The following R3HDM1 variants were observed in gnomAD, a reference collection of about 807,000 sequenced individuals.
R3HDM1 encodes the protein R3H domain containing 1, also known as R3H domain-containing protein 1.
R3HDM1 carries 46 observed loss-of-function variants against 141.1 expected under a neutral mutation model. The ratio of observed to expected loss-of-function variants is 0.33; its 90% CI spans 0.26 to 0.42. The LOEUF (loss-of-function observed/expected upper bound fraction) is 0.42. R3HDM1 is among the 10% of genes least tolerant of loss of function. The pLI is 1.00. For synonymous variants in R3HDM1, 435 were observed against 472.9 expected (o/e 0.92, Z 1.04); for missense variants, 1,184 against 1,368.3 (o/e 0.87, Z 2.12).
rs1326851857 is a variant in R3HDM1 at position 135,699,061 on chromosome 2, ATTGAT to A, written c.2460-10370_2460-10366del. Among the ~76,000 whole-genome samples the A allele has an allele frequency of 8.3e-3, 889 of 107,062 alleles. 14 individuals are homozygous for A. Among genetic ancestry groups the A allele is most frequent in the African/African-American group, 0.018 (583 of 31,796 alleles). 70.2% of individuals were successfully genotyped at this position (107,062 alleles called of 152,430 possible). ...TAGATAGATAAGATAGATAAGATAG[ATTGAT>A]TAGATAGATTAGATAGATAGATAGA... is the stretch of plus-strand genomic sequence containing the variant. On this transcript the variant is annotated intron_variant, in intron 21 of 26. Transcript: ENST00000683871.
chr2:135,536,413 C>G (rs932738542), intron 1 of R3HDM1: 1 of 439,048 alleles, frequency 2.3e-6, no homozygotes, highest in African/African-American at 2.1e-5. Flanking sequence ...TGCCAAAGTG[C>G]TGGAATTACA....
At position 135,652,005 on chromosome 2, in the gene R3HDM1, G is replaced by A. The variant is rs768393530; in HGVS notation, c.2001G>A (p.Gln667=). The A allele has an allele frequency of 6.2e-7, 1 of 1,603,808 alleles. No individual in the cohort carries two copies. The highest frequency in any genetic ancestry group is 8.5e-7 in the Non-Finnish European group (1 of 1,174,522). Residue 667 remains glutamine (Q), a synonymous_variant, in exon 18 of 27, where the codon CAG becomes CAA. Coordinates refer to ENST00000683871, the MANE Select transcript of R3HDM1 (RefSeq NM_001378107.1). ...HPVSQPVLQQ[Q]GYIQQPSPQM... is the part of the protein sequence containing the mutation. ...TCAGCCAGCCTGTGCTCCAGCAGCA[G>A]GGATATATTCAGCAGCCATCACCAC...
intron 21 of R3HDM1, among the ~76,000 whole-genome samples, chr2:135,699,053 T>TTGG (rs1559466584): frequency 1.0e-4 from 14 of 137,786 alleles, no homozygotes; most frequent in Middle Eastern, 3.5e-3. Context: ...ATAAGATAGA[T>TTGG]AAGATAGATT....
chr2:135,638,445 G>A (rs755834737), intron 11 of R3HDM1, among the ~76,000 whole-genome samples, 173 bp from the exon 12 acceptor site: 22 of 152,068 alleles, frequency 1.4e-4, no homozygotes, highest in African/African-American at 2.4e-5. Flanking sequence ...TTAAAAGTAA[G>A]CATAGGATCT....
Position 135,719,503 on chromosome 2 carries a change from A to G in R3HDM1, c.2882-2421A>G, listed in dbSNP as rs1338158286. 2.0e-5 allele frequency among the ~76,000 whole-genome samples: 3 copies of G among 152,206 alleles called. No individual in the cohort carries two copies. In the East Asian group the frequency reaches 5.8e-4, roughly 29 times the overall value. On this transcript the variant is annotated intron_variant, in intron 24 of 26. Coordinates refer to ENST00000683871, the MANE Select transcript of R3HDM1 (RefSeq NM_001378107.1). ...AAAAATTAAAAAAAAAAAAGGAGTTATCCATTAGATATAAATGTTTGTATA... is the reference window on the plus strand; with the variant it reads ...AAAAATTAAAAAAAAAAAAGGAGTTGTCCATTAGATATAAATGTTTGTATA...
chr2:135,622,809 TAG>T, intron 7 of R3HDM1, 77 bp downstream of exon 7: 1 of 1,425,866 alleles, frequency 7.0e-7, no homozygotes, highest in Non-Finnish European at 9.2e-7. Context: ...ATTATTGAGT[TAG>T]AGTAATAGAA....
intron 19 of R3HDM1, among the ~76,000 whole-genome samples, chr2:135,665,135 T>C (rs2067302135): frequency 6.6e-6 from 1 of 152,234 alleles, no homozygotes; most frequent in Non-Finnish European, 1.5e-5. Context: ...AAAGATCAGA[T>C]TACTTACCAG....
intron 1 of R3HDM1, among the ~76,000 whole-genome samples, chr2:135,552,647 TATTA>T (rs1018836503): frequency 6.6e-6 from 1 of 152,160 alleles, no homozygotes; most frequent in African/African-American, 2.4e-5. Flanking sequence ...TTAGATTGTA[TATTA>T]ATTAAGGGAG....
At chr2:135,706,018 A>G (rs889962393) in intron 21 of R3HDM1, among the ~76,000 whole-genome samples, 1 of 151,876 alleles carries the variant, frequency 6.6e-6, no homozygotes, top group Non-Finnish European at 1.5e-5. Context: ...AGTCCCAGCT[A>G]CTCGAGAGGC....
chr2:135,584,339 T>G, intron 1 of R3HDM1: 1 of 889,616 alleles, frequency 1.1e-6, no homozygotes, highest in Non-Finnish European at 1.3e-6. Context: ...AATAAATAAA[T>G]AAATATTAAC....
At chr2:135,533,672 G>C (rs1695427542) in intron 1 of R3HDM1, among the ~76,000 whole-genome samples, 1 of 152,244 alleles carries the variant, frequency 6.6e-6, no homozygotes, top group African/African-American at 2.4e-5. Context: ...GAGGTCGGGA[G>C]TTGGAGACCA....
rs1359928070 is a variant in R3HDM1, at chr2:135,589,688, A to G, written c.-249-12812A>G. Among the ~76,000 whole-genome samples the G allele has an allele frequency of 2.6e-5, 4 of 152,144 alleles. No homozygotes were observed. In the East Asian group the frequency reaches 5.8e-4, roughly 22 times the overall value. ...TCTCACTTGAACAGAGCAAGTTTAT[A>G]TAATAAATATATGTTTCCACAGTTT... On this transcript the variant is annotated intron_variant, in intron 1 of 26. Transcript: ENST00000683871.
At chr2:135,606,788 G>C (rs1230090128) in intron 3 of R3HDM1, 1 of 144,514 alleles carries the variant, frequency 6.9e-6, no homozygotes, top group East Asian at 2.0e-4. Flanking sequence ...AAAAAAAAAA[G>C]TTTAACAATG....
chr2:135,557,974 A>G (rs1371460864), intron 1 of R3HDM1, among the ~76,000 whole-genome samples: 2 of 152,218 alleles, frequency 1.3e-5, no homozygotes, highest in African/African-American at 4.8e-5. Context: ...TTTGAGTTGC[A>G]TGGAGCCCAC....
At chr2:135,683,529 G>C (rs1438870859) in intron 21 of R3HDM1, among the ~76,000 whole-genome samples, 1 of 148,458 alleles carries the variant, frequency 6.7e-6, no homozygotes, top group Non-Finnish European at 1.5e-5. Flanking sequence ...ACTCCAGCCT[G>C]GGCAGCAGAG....
intron 21 of R3HDM1, among the ~76,000 whole-genome samples, chr2:135,693,840 T>G (rs1362740641): frequency 6.6e-6 from 1 of 151,562 alleles, no homozygotes. Context: ...AAACCACATC[T>G]CCTAAAAATA....
chr2:135,631,784 C>T lies in R3HDM1; in HGVS notation c.557+7C>T. The T allele has an allele frequency of 6.4e-7, 1 of 1,569,438 alleles. No homozygotes were observed. Among genetic ancestry groups the T allele is most frequent in the South Asian group, 1.2e-5 (1 of 83,578 alleles). On this transcript the variant is annotated splice_region_variant and intron_variant, in intron 8 of 26. Transcript: ENST00000683871. The stretch of plus-strand genomic sequence containing the variant: ...ATTTCATTGGTAATAATGAGTAAGT[C>T]CTGACATTCAACAAGAAAAGAAATT...
At chr2:135,683,916 A>G (rs1453550424) in intron 21 of R3HDM1, among the ~76,000 whole-genome samples, 2 of 151,944 alleles carry the variant, frequency 1.3e-5, no homozygotes, top group African/African-American at 4.8e-5. Context: ...CCAGCTGGGC[A>G]TGGTGGCCAG....
intron 1 of R3HDM1, among the ~76,000 whole-genome samples, chr2:135,594,845 C>G (rs1440378344): frequency 6.6e-6 from 1 of 152,152 alleles, no homozygotes. Context: ...GGCCTACACA[C>G]TTTTTCATTC....
Sources: allele counts gnomAD v4.1 joint callset (sites outside exome capture counted in the v4.1 genomes callset), GRCh38; gene constraint gnomAD v4.1.1; transcripts MANE v1.5; gene names NCBI Gene and HGNC (gene_info 2026-07-23, HGNC 2026-07-21).